NUDCD3: variants seen among roughly 807,000 people sequenced by gnomAD.
NUDCD3 encodes the protein nudC domain-containing protein 3.
A neutral mutation model predicts 39.7 loss-of-function variants in NUDCD3; 13 were observed. That is an observed-to-expected ratio of 0.33 (90% CI 0.21 to 0.52). The LOEUF (loss-of-function observed/expected upper bound fraction) is 0.52, where lower values mean the gene tolerates loss of function less well. NUDCD3 is among the 20% of genes least tolerant of loss of function. The probability of loss-of-function intolerance (pLI) is 0.96; values close to 1 mark genes in which losing one functional copy is unlikely to be tolerated. For missense variants in NUDCD3, 453 were observed against 458.1 expected, an observed-to-expected ratio of 0.99 and a Z score of 0.10; for synonymous variants, 175 against 172.4, an observed-to-expected ratio of 1.02 and a Z score of -0.12.
rs566707895 is a variant in NUDCD3 at position 44,385,145 on chromosome 7, C to G, written c.*866G>C. Reference sequence around the variant, plus strand: ...CAGGACTTGTGGCTGTCGAGCTCTGCTGAGCTGATGGACATGCTGTGGTCT... The same window carrying G: ...CAGGACTTGTGGCTGTCGAGCTCTGGTGAGCTGATGGACATGCTGTGGTCT... On this transcript the variant is annotated 3_prime_UTR_variant, in exon 6 of 6. Transcript: ENST00000355451. The G allele has an allele frequency of 6.6e-6, 1 of 152,370 alleles. No individual in the cohort carries two copies. Among genetic ancestry groups the G allele is most frequent in the South Asian group, 2.1e-4 (1 of 4,830 alleles). 9.4% of individuals were successfully genotyped at this position (152,370 alleles called of 1,614,324 possible). A position where few individuals can be genotyped will look rare whatever the true frequency, so the allele number is the denominator to read the frequency against.
chr7:44,403,644 G>C (rs1231855900), intron 4 of NUDCD3, among the ~76,000 whole-genome samples: 1 of 152,214 alleles, frequency 6.6e-6, no homozygotes, highest in East Asian at 1.9e-4. Flanking sequence ...GGAAGCCCAG[G>C]CAGAAGCCTG....
intron 3 of NUDCD3, among the ~76,000 whole-genome samples, chr7:44,421,843 C>G (rs1386485181): frequency 2.0e-5 from 3 of 152,216 alleles, no homozygotes; most frequent in Non-Finnish European, 4.4e-5. Flanking sequence ...ACATTCTTCT[C>G]AGCACCACAT....
intron 2 of NUDCD3, among the ~76,000 whole-genome samples, chr7:44,433,852 AG>A (rs1449871999): frequency 1.1e-4 from 17 of 152,124 alleles, no homozygotes; most frequent in Admixed American, 5.2e-4. Context: ...GGCCTCAGCA[AG>A]GCACTCGAGG....
intron 2 of NUDCD3, among the ~76,000 whole-genome samples, chr7:44,450,609 T>C (rs182292638): frequency 1.3e-5 from 2 of 151,486 alleles, no homozygotes; most frequent in East Asian, 2.0e-4. Context: ...CTGGGCAAAA[T>C]AGCAAGACCC....
chr7:44,397,171 C>T (rs1044837127), intron 4 of NUDCD3, among the ~76,000 whole-genome samples: 1 of 152,198 alleles, frequency 6.6e-6, no homozygotes, highest in Admixed American at 6.5e-5. Context: ...TGTGTGGAAT[C>T]ACACAGTGTG....
intron 2 of NUDCD3, among the ~76,000 whole-genome samples, chr7:44,460,152 C>A (rs1799978815): frequency 6.6e-6 from 1 of 152,040 alleles, no homozygotes; most frequent in Non-Finnish European, 1.5e-5. Context: ...TTCAGTGAAT[C>A]AACTGATAGA....
At chr7:44,448,077 G>T (rs1277809680) in intron 2 of NUDCD3, among the ~76,000 whole-genome samples, 3 of 152,180 alleles carry the variant, frequency 2.0e-5, no homozygotes, top group Non-Finnish European at 2.9e-5. Context: ...CTGAACATAG[G>T]CTTCCCCACA....
chr7:44,433,529 TG>T (rs1189217901), intron 2 of NUDCD3, among the ~76,000 whole-genome samples: 1 of 152,084 alleles, frequency 6.6e-6, no homozygotes, highest in Admixed American at 6.5e-5. Flanking sequence ...GTGTGTGCTA[TG>T]TGCATGTGTG....
intron 2 of NUDCD3, among the ~76,000 whole-genome samples, chr7:44,442,878 A>G (rs1799617133): frequency 6.6e-6 from 1 of 151,182 alleles, no homozygotes; most frequent in Admixed American, 6.6e-5. Flanking sequence ...TTTTCTTTCT[A>G]TTTTTAGTAG....
At chr7:44,397,001 T>C (rs554991260) in intron 4 of NUDCD3, among the ~76,000 whole-genome samples, 3 of 152,304 alleles carry the variant, frequency 2.0e-5, no homozygotes, top group Admixed American at 2.0e-4. Context: ...TTTGTGGAGG[T>C]ATAGTATGCA....
rs1376432982 is a variant in NUDCD3 at position 44,490,558 on chromosome 7, C to A, written c.43G>T (p.Gly15Cys). 3 of 1,612,066 alleles carry A rather than the reference C, an allele frequency of 1.9e-6. No individual in the cohort carries two copies. The highest frequency in any genetic ancestry group is 2.5e-6 in the Non-Finnish European group (3 of 1,179,160). The change falls in exon 1 of 6, where the codon GGC becomes TGC. Residue 15 changes from glycine (G) to cysteine (C), a missense_variant. Coordinates refer to ENST00000355451, the MANE Select transcript of NUDCD3 (RefSeq NM_015332.4). ...AAELYDQALL[G>C]ILQHVGNVQD... ...ACGTTGCCCACGTGCTGCAGGATGCCCAAAAGGGCCTGGTCATACAGCTCG... is the reference window on the plus strand; with the variant it reads ...ACGTTGCCCACGTGCTGCAGGATGCACAAAAGGGCCTGGTCATACAGCTCG...
intron 3 of NUDCD3, among the ~76,000 whole-genome samples, chr7:44,418,315 T>C (rs1799068451): frequency 6.6e-6 from 1 of 152,148 alleles, no homozygotes; most frequent in Non-Finnish European, 1.5e-5. Flanking sequence ...TTCCTATAAA[T>C]GCACATGAGA....
chr7:44,453,501 A>AT (rs1447258564), intron 2 of NUDCD3, among the ~76,000 whole-genome samples: 1 of 152,154 alleles, frequency 6.6e-6, no homozygotes, highest in East Asian at 1.9e-4. Flanking sequence ...ATTTTTAAGA[A>AT]TTTTTTTCTG....
chr7:44,447,116 G>A (rs1799703203), intron 2 of NUDCD3, among the ~76,000 whole-genome samples: 1 of 152,208 alleles, frequency 6.6e-6, no homozygotes, highest in African/African-American at 2.4e-5. Flanking sequence ...TCATTCCCTA[G>A]GGGCAGGCCT....
At chr7:44,444,631 G>A (rs17711624) in intron 2 of NUDCD3, among the ~76,000 whole-genome samples, 20,565 of 152,122 alleles carry the variant, frequency 0.14, 1,724 homozygotes, top group Non-Finnish European at 0.19. Context: ...CAACTTTAAC[G>A]TTAATTAGCA....
At chr7:44,453,225 C>T (rs910065847) in intron 2 of NUDCD3, among the ~76,000 whole-genome samples, 8 of 151,974 alleles carry the variant, frequency 5.3e-5, no homozygotes, top group South Asian at 2.1e-4. Flanking sequence ...TGGTGGCGTG[C>T]GCCTGTAATC....
chr7:44,484,036 A>G (rs934954680), intron 2 of NUDCD3, among the ~76,000 whole-genome samples: 2 of 152,206 alleles, frequency 1.3e-5, no homozygotes, highest in South Asian at 2.1e-4. Flanking sequence ...GCACACACAC[A>G]ATCTCCCCCA....
Position 44,385,789 on chromosome 7 carries a change from AG to A in NUDCD3, c.*221del. The stretch of plus-strand genomic sequence containing the variant: ...TCCTGCATTTCAAACACCTTCACTC[AG>A]TGTCAGCCACAGCGGCCACCACATA... On this transcript the variant is annotated 3_prime_UTR_variant, in exon 6 of 6. Coordinates refer to ENST00000355451, the MANE Select transcript of NUDCD3 (RefSeq NM_015332.4). 1.9e-6 allele frequency: 1 copy of A among 539,724 alleles called. No individual in the cohort carries two copies. Among genetic ancestry groups the A allele is most frequent in the South Asian group, 2.6e-5 (1 of 38,018 alleles). The allele number at this position is 539,724 out of a possible 1,614,324, so 33.4% of individuals were successfully genotyped here.
At chr7:44,399,963 TGAA>T (rs1359770527) in intron 4 of NUDCD3, among the ~76,000 whole-genome samples, 34 of 152,274 alleles carry the variant, frequency 2.2e-4, no homozygotes, top group African/African-American at 7.9e-4. Flanking sequence ...CGTCAATACA[TGAA>T]GAAGTGTATA....
Sources: gnomAD v4.1 joint callset for allele counts (sites outside exome capture counted in the v4.1 genomes callset) on GRCh38, gnomAD v4.1.1 for gene constraint, MANE v1.5 for transcripts, NCBI Gene and HGNC (gene_info 2026-07-23, HGNC 2026-07-21) for gene names.